The following SNORC variants were observed in gnomAD, a reference collection of about 807,000 sequenced individuals.
SNORC encodes secondary ossification center associated regulator of chondrocyte maturation, also known as protein SNORC.
Under a neutral mutation model 9.7 loss-of-function variants are expected in SNORC, and 11 were observed. That is an observed-to-expected ratio of 1.14 (90% CI 0.72 to 1.88). The LOEUF is 1.88. Ranked by LOEUF, SNORC falls within the 40% of genes most tolerant of loss-of-function variation. The probability of loss-of-function intolerance (pLI) is 0.00; values close to 1 mark genes in which losing one functional copy is unlikely to be tolerated. For synonymous variants in SNORC, 108 were observed against 88.7 expected (o/e 1.22, Z -1.22); for missense variants, 197 against 173.1 (o/e 1.14, Z -0.77).
At chr2:232,873,604 G>A (rs964483435) in intron 1 of SNORC, among the ~76,000 whole-genome samples, 9 of 152,220 alleles carry the variant, frequency 5.9e-5, no homozygotes, top group Admixed American at 1.3e-4. Flanking sequence ...CTGCCAGTCT[G>A]TCTTGGGTGT....
intron 1 of SNORC, among the ~76,000 whole-genome samples, chr2:232,872,343 A>G (rs1559180803): frequency 6.6e-6 from 1 of 152,100 alleles, no homozygotes; most frequent in Non-Finnish European, 1.5e-5. Flanking sequence ...CAGGGCAGGG[A>G]TGAAAAGGCC....
intron 1 of SNORC, among the ~76,000 whole-genome samples, chr2:232,872,037 A>G (rs984452689): frequency 1.3e-5 from 2 of 152,130 alleles, no homozygotes; most frequent in Non-Finnish European, 2.9e-5. Context: ...GTGTCCTACC[A>G]AGAGTAGGCA....
intron 1 of SNORC, among the ~76,000 whole-genome samples, chr2:232,872,710 C>T (rs1322697954): frequency 1.3e-5 from 2 of 152,214 alleles, no homozygotes; most frequent in African/African-American, 2.4e-5. Flanking sequence ...TTCGCTCCTG[C>T]CCCATCTCCC....
chr2:232,874,711 C>G (rs964263806), intron 1 of SNORC, among the ~76,000 whole-genome samples: 4 of 152,224 alleles, frequency 2.6e-5, no homozygotes, highest in African/African-American at 9.6e-5. Flanking sequence ...CTTGCCCCAG[C>G]GCTCAGGGAT....
chr2:232,876,990 G>C (rs575381891), downstream of SNORC: 1 of 985,592 alleles, frequency 1.0e-6, no homozygotes, highest in South Asian at 4.7e-5. This position sits in a 1 kb window ranked among gnomAD's most constrained non-coding sequence, Gnocchi z 6.8. Context: ...GCCGGGGTTG[G>C]GGAGGGCAGG....
chr2:232,876,518 C>T (rs1441570919), downstream of SNORC: 15 of 1,234,450 alleles, frequency 1.2e-5, no homozygotes, highest in Non-Finnish European at 1.5e-5. The surrounding 1 kb of genome is among the most constrained non-coding windows in gnomAD (Gnocchi z 6.8). Context: ...AGGGTGGGTG[C>T]CGTGCACGCG....
intron 1 of SNORC, among the ~76,000 whole-genome samples, chr2:232,873,083 C>G (rs1318699605): frequency 6.6e-6 from 1 of 152,216 alleles, no homozygotes; most frequent in Non-Finnish European, 1.5e-5. Context: ...AGACCCATAG[C>G]AACTGGGCTT....
chr2:232,874,765 C>T (rs1197627469), intron 1 of SNORC, among the ~76,000 whole-genome samples: 3 of 152,238 alleles, frequency 2.0e-5, no homozygotes, highest in African/African-American at 4.8e-5. Context: ...GCCGGCTGGC[C>T]GGCAGGGTCT....
Position 232,876,308 on chromosome 2 carries a change from G to T in SNORC, c.318G>T (p.Val106=). ...TCGCCGCCCTGCTGGCCACCTGCGT[G>T]GTGCTGGCGCTCGTGGTCGTCGCGC... Residue 106 remains valine, a synonymous_variant, in exon 3 of 3, where the codon GTG becomes GTT. Transcript: ENST00000331342. This position sits in a 1 kb window ranked among gnomAD's most constrained non-coding sequence, Gnocchi z 6.8. 6.5e-7 allele frequency: 1 copy of T among 1,548,262 alleles called. No homozygotes were observed.
At chr2:232,870,405 G>A in exon 1 of SNORC, 11 of 1,569,240 alleles carry the variant, frequency 7.0e-6, no homozygotes, top group Non-Finnish European at 9.5e-6. Flanking sequence ...GGCCCCTGCG[G>A]TGCTCACAGG....
downstream of SNORC, chr2:232,876,959 C>T (rs1307575012): frequency 1.0e-6 from 1 of 985,484 alleles, no homozygotes; most frequent in Non-Finnish European, 1.2e-6. This position sits in a 1 kb window ranked among gnomAD's most constrained non-coding sequence, Gnocchi z 6.8. Flanking sequence ...ACAGAGACCC[C>T]GGGGCCCGCC....
chr2:232,877,278 C>T (rs984962117), downstream of SNORC: 12 of 985,474 alleles, frequency 1.2e-5, no homozygotes, highest in African/African-American at 1.6e-4. Flanking sequence ...CTACTCACCT[C>T]ACTTCACCCT....
At position 232,876,049 on chromosome 2, in the gene SNORC, C is replaced by T. The variant is rs1691221923; in HGVS notation, c.183C>T (p.Thr61=). Residue 61 remains threonine (T), a synonymous_variant, in exon 2 of 3, where the codon ACC becomes ACT. Coordinates refer to ENST00000331342, the Ensembl canonical transcript of SNORC. The surrounding 1 kb of genome is among the most constrained non-coding windows in gnomAD (Gnocchi z 6.8). ...GCCCCGGCCGGGAGCCCGTGGACAC[C>T]GGTCCCCCAGCCCCCACCGTCGCGC... is the stretch of plus-strand genomic sequence containing the variant. The T allele has an allele frequency of 2.6e-6, 4 of 1,540,608 alleles. No individual in the cohort carries two copies. The highest frequency in any genetic ancestry group is 1.2e-5 in the South Asian group (1 of 84,076).
At chr2:232,869,398 T>G (rs903201367), upstream of SNORC, among the ~76,000 whole-genome samples, 1 of 151,956 alleles carries the variant, frequency 6.6e-6, no homozygotes, top group Non-Finnish European at 1.5e-5. Context: ...AGGTGTGAAG[T>G]AGGGGGCGCT....
downstream of SNORC, chr2:232,876,849 C>T (rs1691273052): frequency 2.0e-6 from 2 of 985,566 alleles, no homozygotes; most frequent in African/African-American, 3.5e-5. The surrounding 1 kb of genome is among the most constrained non-coding windows in gnomAD (Gnocchi z 6.8). Flanking sequence ...TGGGCGCGGG[C>T]CGAGGCCCTC....
In SNORC at chr2:232,876,184, G is replaced by A. The variant is rs986566417; in HGVS notation, c.256+62G>A. The A allele has an allele frequency of 3.6e-6, 4 of 1,105,168 alleles. No homozygotes were observed. The highest frequency in any genetic ancestry group is 5.0e-6 in the Non-Finnish European group (4 of 793,928). The allele number at this position is 1,105,168 out of a possible 1,614,324, so 68.5% of individuals were successfully genotyped here. On this transcript the variant is annotated intron_variant, in intron 2 of 2. Coordinates refer to ENST00000331342, the Ensembl canonical transcript of SNORC. The surrounding 1 kb of genome is among the most constrained non-coding windows in gnomAD (Gnocchi z 6.8). ...AATTAGGAGGGGCGGGGGGCGGGGG[G>A]CGCGGGGAGAAGGGCCGGCCAGGCG... is the stretch of plus-strand genomic sequence containing the variant.
chr2:232,866,758 G>T (rs1415675371), upstream of SNORC, among the ~76,000 whole-genome samples: 1 of 152,066 alleles, frequency 6.6e-6, no homozygotes, highest in East Asian at 1.9e-4. Flanking sequence ...CTGCCACCCA[G>T]GCTGGAGTGC....
At chr2:232,875,479 T>C in intron 1 of SNORC, 1 of 427,540 alleles carries the variant, frequency 2.3e-6, no homozygotes, top group Non-Finnish European at 4.9e-6. Context: ...TTCTGGGGCA[T>C]CCTGTCTGGT....
upstream of SNORC, chr2:232,869,956 C>T (rs985428350): frequency 2.1e-5 from 7 of 330,742 alleles, no homozygotes; most frequent in Admixed American, 4.7e-5. Context: ...GAGGCAGCAG[C>T]ATGTTTCAAG....
Sources: gnomAD v4.1 joint callset for allele counts (sites outside exome capture counted in the v4.1 genomes callset) on GRCh38, gnomAD v4.1.1 for gene constraint, Gnocchi (gnomAD v3.1) non-coding constraint, MANE v1.5 for transcripts, NCBI Gene and HGNC (gene_info 2026-07-23, HGNC 2026-07-21) for gene names.